ANK2: variants seen among roughly 807,000 people sequenced by gnomAD.
ANK2 encodes the protein ankyrin 2.
ANK2 carries 83 observed loss-of-function variants against 360.5 expected under a neutral mutation model. The ratio of observed to expected loss-of-function variants is 0.23; its 90% CI spans 0.19 to 0.28. The LOEUF is 0.28. Ranked by LOEUF, ANK2 falls within the 10% of genes least tolerant of loss-of-function variation. The pLI is 1.00. For missense variants in ANK2, 4,201 were observed against 4,795.7 expected, an observed-to-expected ratio of 0.88 and a Z score of 3.66; for synonymous variants, 1,740 against 1,759.5, an observed-to-expected ratio of 0.99 and a Z score of 0.28.
chr4:113,010,738 A>G (rs746360510), intron 2 of ANK2, among the ~76,000 whole-genome samples: 2 of 152,148 alleles, frequency 1.3e-5, no homozygotes, highest in Non-Finnish European at 2.9e-5. Flanking sequence ...AGAGTATTTT[A>G]GGTAGAGAAT....
intron 24 of ANK2, among the ~76,000 whole-genome samples, chr4:113,315,880 G>A (rs1032345062): frequency 4.7e-5 from 6 of 127,286 alleles, no homozygotes; most frequent in Non-Finnish European, 9.4e-5. Flanking sequence ...CTGGGTGACA[G>A]AGCGAGACTC....
chr4:113,011,844 T>G (rs2054837927), intron 2 of ANK2, among the ~76,000 whole-genome samples: 1 of 152,134 alleles, frequency 6.6e-6, no homozygotes, highest in African/African-American at 2.4e-5. Flanking sequence ...CTGCCACCCT[T>G]CACATTCAAT....
intron 1 of ANK2, 60 bp from the exon 2 acceptor site, chr4:113,174,356 G>A: frequency 7.3e-7 from 1 of 1,373,012 alleles, no homozygotes; most frequent in East Asian, 2.4e-5. Flanking sequence ...TTGTCTTTCT[G>A]TATTGGATAC....
rs144109953 is a variant in ANK2, at chr4:113,355,448, A to G, written c.6830A>G (p.Lys2277Arg). The change falls in exon 38 of 46, where the codon AAA becomes AGA. Residue 2277 changes from lysine to arginine, a missense_variant. By Grantham distance (26) the Lys-to-Arg change is conservative. Coordinates refer to ENST00000357077, the MANE Select transcript of ANK2 (RefSeq NM_001148.6). Reference protein sequence around the residue: ...TETTTEIRSEKEHPTTKDITG... With the variant: ...TETTTEIRSEREHPTTKDITG... ...ACCACCACAGAAATTCGTTCAGAAAAAGAGCATCCCACGACCAAAGACATT... is the reference window on the plus strand; with the variant it reads ...ACCACCACAGAAATTCGTTCAGAAAGAGAGCATCCCACGACCAAAGACATT... 2.5e-6 allele frequency: 4 copies of G among 1,613,868 alleles called. No individual in the cohort carries two copies. Among genetic ancestry groups the G allele is most frequent in the African/African-American group, 2.7e-5 (2 of 74,916 alleles).
intron 1 of ANK2, among the ~76,000 whole-genome samples, chr4:112,828,232 C>CTGTT (rs2058847546): frequency 9.1e-6 from 1 of 109,572 alleles, no homozygotes; most frequent in Non-Finnish European, 1.7e-5. Flanking sequence ...GAATTACGGA[C>CTGTT]TTTTTTTTTT....
At chr4:113,040,464 G>A (rs1176144744) in intron 2 of ANK2, among the ~76,000 whole-genome samples, 1 of 151,992 alleles carries the variant, frequency 6.6e-6, no homozygotes, top group Non-Finnish European at 1.5e-5. Flanking sequence ...GCGAAAACAA[G>A]CAGGTCCCTA....
chr4:113,228,953 G>A (rs1199647618), intron 4 of ANK2, among the ~76,000 whole-genome samples: 1 of 152,084 alleles, frequency 6.6e-6, no homozygotes, highest in Non-Finnish European at 1.5e-5. Context: ...CTGTGATGAG[G>A]GCAATGCCAC....
the ANK2 span, among the ~76,000 whole-genome samples, chr4:112,766,134 C>T: frequency 4.5e-4 from 69 of 152,116 alleles, no homozygotes; most frequent in Middle Eastern, 6.8e-3. Context: ...GAGTTCGAGA[C>T]CAGCCTGGCC....
chr4:112,957,007 G>GTTTTTCTTTTT, intron 2 of ANK2, among the ~76,000 whole-genome samples: 1 of 66,472 alleles, frequency 1.5e-5, no homozygotes. Flanking sequence ...TATTGCTCTT[G>GTTTTTCTTTTT]TTTTTTTTTT....
rs1418278179 is a variant in ANK2 at position 113,367,609 on chromosome 4, G to A, written c.11076G>A (p.Lys3692=). 6.2e-7 allele frequency: 1 copy of A among 1,613,690 alleles called. No individual in the cohort carries two copies. Among genetic ancestry groups the A allele is most frequent in the Non-Finnish European group, 8.5e-7 (1 of 1,179,984 alleles). Reference sequence around the variant, plus strand: ...AGGAGTTATGCACTGCACAGCACAAGCAGAAAGAGGAGCAAGCTGTTTCTA... The same window carrying A: ...AGGAGTTATGCACTGCACAGCACAAACAGAAAGAGGAGCAAGCTGTTTCTA... The part of the protein sequence containing the change: ...LQEELCTAQH[K]QKEEQAVSKE... The change falls in exon 42 of 46, where the codon AAG becomes AAA. Residue 3692 remains lysine (K), a synonymous_variant. Coordinates refer to ENST00000357077, the MANE Select transcript of ANK2 (RefSeq NM_001148.6).
At chr4:113,024,766 T>G (rs186180357) in intron 2 of ANK2, among the ~76,000 whole-genome samples, 1 of 152,188 alleles carries the variant, frequency 6.6e-6, no homozygotes, top group Non-Finnish European at 1.5e-5. Flanking sequence ...CGCTAGAAGA[T>G]AACACAATTT....
At chr4:113,325,329 T>C (rs1044520070) in intron 26 of ANK2, among the ~76,000 whole-genome samples, 1 of 152,190 alleles carries the variant, frequency 6.6e-6, no homozygotes, top group African/African-American at 2.4e-5. Context: ...GCATCTGAAA[T>C]GAAAGGTTTA....
At chr4:113,300,118 A>G (rs2074181227) in intron 22 of ANK2, among the ~76,000 whole-genome samples, 2 of 152,176 alleles carry the variant, frequency 1.3e-5, no homozygotes, top group South Asian at 2.1e-4. Flanking sequence ...TGTTCATTCA[A>G]CAAATATTTA....
rs2099309711 is a variant in ANK2 at position 113,231,714 on chromosome 4, C to T, written c.385-447C>T. 2.0e-5 allele frequency among the ~76,000 whole-genome samples: 3 copies of T among 152,102 alleles called. No homozygotes were observed. In the South Asian group the frequency reaches 6.2e-4, roughly 32 times the overall value. On this transcript the variant is annotated intron_variant, in intron 4 of 45. Transcript: ENST00000357077. ...CGCTTCCCAAGTTCAAGTGATTTTC[C>T]TGCCTCAGCCTCCCGAGTAGCTGGG...
chr4:113,187,486 T>C (rs1357700321), intron 2 of ANK2, among the ~76,000 whole-genome samples: 2 of 152,206 alleles, frequency 1.3e-5, no homozygotes, highest in Non-Finnish European at 2.9e-5. Context: ...AAAAAGACAC[T>C]AGTTTCTTAT....
At chr4:113,192,371 A>G (rs1322982515) in intron 2 of ANK2, among the ~76,000 whole-genome samples, 5 of 150,890 alleles carry the variant, frequency 3.3e-5, no homozygotes, top group African/African-American at 1.2e-4. Context: ...AGACGTGTGT[A>G]TAAAAAGTTT....
intron 4 of ANK2, among the ~76,000 whole-genome samples, chr4:113,218,433 C>T (rs3025760): frequency 0.031 from 4,236 of 135,736 alleles, 98 homozygotes; most frequent in East Asian, 0.071. Context: ...GTCAGTTTAA[C>T]AGTAATCATT....
At chr4:112,909,264 C>T (rs994808563) in intron 2 of ANK2, among the ~76,000 whole-genome samples, 28 of 152,116 alleles carry the variant, frequency 1.8e-4, no homozygotes, top group African/African-American at 6.8e-4. Flanking sequence ...ACCCTTTGTT[C>T]TGGTCAATAA....
At chr4:113,165,038 C>T (rs1218394339) in intron 1 of ANK2, among the ~76,000 whole-genome samples, 1 of 151,936 alleles carries the variant, frequency 6.6e-6, no homozygotes, top group Non-Finnish European at 1.5e-5. Context: ...CAGTGATGAT[C>T]CAAAAGGAAA....
Sources: allele counts gnomAD v4.1 joint callset (sites outside exome capture counted in the v4.1 genomes callset), GRCh38; gene constraint gnomAD v4.1.1; transcripts MANE v1.5; gene names NCBI Gene and HGNC (gene_info 2026-07-23, HGNC 2026-07-21).